EPHA8: variants seen among roughly 807,000 people sequenced by gnomAD.
EPHA8 encodes ephrin type-A receptor 8.
In EPHA8, 58 loss-of-function variants were observed where a neutral mutation model predicts 103.6. The observed-to-expected ratio is 0.56, with a 90% CI of 0.45 to 0.70. The LOEUF is 0.70. Among genes scored for constraint, EPHA8 ranks in the 30% least tolerant of loss-of-function variants. EPHA8 has a pLI of 0.00. For missense variants in EPHA8, 1,304 were observed against 1,395.2 expected (o/e 0.93, Z 1.04); for synonymous variants, 559 against 572.5 (o/e 0.98, Z 0.34).
At chr1:22,578,429 T>C (rs1640851579) in intron 3 of EPHA8, among the ~76,000 whole-genome samples, 1 of 126,378 alleles carries the variant, frequency 7.9e-6, no homozygotes, top group Admixed American at 8.1e-5. Flanking sequence ...TGTGTACGTA[T>C]GTGTACGTGT....
At chr1:22,596,323 G>C in intron 9 of EPHA8, 150 bp downstream of exon 9, 2 of 752,302 alleles carry the variant, frequency 2.7e-6, no homozygotes, top group Non-Finnish European at 4.4e-6. Flanking sequence ...ACAGAGACCT[G>C]GTGCCCCAGA....
rs544912245 is a variant in EPHA8, at chr1:22,576,300, C to A, written c.243C>A (p.Asn81Lys). 7 of 1,613,942 alleles carry A rather than the reference C, an allele frequency of 4.3e-6. No homozygotes were observed. Among genetic ancestry groups the A allele is most frequent in the Non-Finnish European group, 5.9e-6 (7 of 1,180,034 alleles). Reference protein sequence around the residue: ...QVCNVMSPNQNNWLRTSWVPR... With the variant: ...QVCNVMSPNQKNWLRTSWVPR... ...GCAACGTCATGAGCCCCAACCAGAA[C>A]AACTGGCTGCGCACGAGCTGGGTCC... is the stretch of plus-strand genomic sequence containing the variant. The change falls in exon 3 of 17, where the codon AAC (asparagine) becomes AAA (lysine). Residue 81 changes from asparagine (N) to lysine (K), a missense_variant. By Grantham distance (94) the Asn-to-Lys change is moderately conservative. Transcript: ENST00000166244. This position sits in a 1 kb window ranked among gnomAD's most constrained non-coding sequence, Gnocchi z 4.8.
In EPHA8 at chr1:22,601,953, C is replaced by T. The variant is rs538164172; in HGVS notation, c.*212C>T. On this transcript the variant is annotated 3_prime_UTR_variant, in exon 17 of 17. Transcript: ENST00000166244. ...TTTGGTGGCCACCCTGGTGAGGACA[C>T]CTGTCCCCCAGGGCAGGCACCTTCT... 8 of 594,628 alleles carry T rather than the reference C, an allele frequency of 1.3e-5. No homozygotes were observed. The highest frequency in any genetic ancestry group is 4.4e-4 in the Middle Eastern group (1 of 2,274). 36.8% of individuals were successfully genotyped at this position (594,628 alleles called of 1,614,324 possible).
intron 5 of EPHA8, among the ~76,000 whole-genome samples, chr1:22,590,700 T>C (rs1641348752): frequency 6.6e-6 from 1 of 152,162 alleles, no homozygotes; most frequent in Admixed American, 6.5e-5. Flanking sequence ...CTCTTTCCTG[T>C]GTGCCCAGAT....
intron 9 of EPHA8, 56 bp downstream of exon 9, chr1:22,596,229 T>C (rs71638849): frequency 0.1 from 159,946 of 1,558,278 alleles, 8,906 homozygotes; most frequent in African/African-American, 0.2. Flanking sequence ...GGGGACCCAG[T>C]GCTGGACTGG....
intron 2 of EPHA8, among the ~76,000 whole-genome samples, chr1:22,574,988 T>C (rs1305429221): frequency 2.0e-5 from 3 of 152,222 alleles, no homozygotes; most frequent in Non-Finnish European, 4.4e-5. Context: ...TCTCGCTCTG[T>C]TGCTCAGGCT....
intron 7 of EPHA8, 31 bp from the exon 8 acceptor site, chr1:22,595,199 C>T (rs764151823): frequency 6.3e-7 from 1 of 1,582,650 alleles, no homozygotes; most frequent in Middle Eastern, 1.7e-4. Flanking sequence ...GGCTGAGAGC[C>T]TGGTCCCCCA....
In EPHA8 at chr1:22,600,709, C is replaced by G; in HGVS notation, c.2437C>G (p.Arg813Gly). 2.5e-6 allele frequency: 4 copies of G among 1,613,648 alleles called. No homozygotes were observed. The highest frequency in any genetic ancestry group is 3.4e-6 in the Non-Finnish European group (4 of 1,179,848). ...RWTAPEAIAF[R>G]TFSSASDVWS... The stretch of plus-strand genomic sequence containing the variant: ...GACGGCCCCAGAGGCCATCGCCTTC[C>G]GCACCTTCTCCTCGGCCAGCGACGT... Residue 813 changes from arginine (R) to glycine (G), a missense_variant, in exon 14 of 17, where the codon CGC (arginine) becomes GGC (glycine). By Grantham distance (125) the Arg-to-Gly change is moderately radical. Transcript: ENST00000166244.
intron 3 of EPHA8, among the ~76,000 whole-genome samples, chr1:22,582,272 G>T (rs1055753154): frequency 9.2e-5 from 14 of 152,142 alleles, no homozygotes; most frequent in African/African-American, 2.9e-4. Flanking sequence ...GTGGAGTCAG[G>T]GGGTCTCAGC....
At chr1:22,585,055 A>ATGTGTGTGTGTGTGTG (rs1553146991) in intron 3 of EPHA8, among the ~76,000 whole-genome samples, 1 of 143,310 alleles carries the variant, frequency 7.0e-6, no homozygotes, top group East Asian at 2.0e-4. Context: ...GTGTGTGCGC[A>ATGTGTGTGTGTGTGTG]CGCGTGTGTC....
In EPHA8 at chr1:22,589,114, ACTC is replaced by A. The variant is rs774527079; in HGVS notation, c.1226_1228del (p.Ser409del). 2.5e-6 allele frequency: 4 copies of A among 1,613,316 alleles called. No individual in the cohort carries two copies. In the South Asian group the frequency reaches 3.3e-5, roughly 13 times the overall value. On this transcript the variant is annotated inframe_deletion, in exon 5 of 17. Coordinates refer to ENST00000166244, the MANE Select transcript of EPHA8 (RefSeq NM_020526.5). The surrounding 1 kb of genome is among the most constrained non-coding windows in gnomAD (Gnocchi z 4.3). ...GCCAACCTGCTGGCCCACATGAACT[ACTC>A]CTTCTGGATCGAGGCCGTCAATGGC...
intron 16 of EPHA8, 46 bp downstream of exon 16, chr1:22,601,519 G>C (rs751915867): frequency 3.4e-5 from 55 of 1,605,270 alleles, no homozygotes; most frequent in Middle Eastern, 1.7e-4. Flanking sequence ...GGGGGCAGGG[G>C]GGGGGACCCC....
Position 22,602,050 on chromosome 1 carries a change from G to T in EPHA8, c.*309G>T. The T allele has an allele frequency of 2.0e-6, 1 of 499,836 alleles. No homozygotes were observed. 31.0% of individuals were successfully genotyped at this position (499,836 alleles called of 1,614,324 possible). A position where few individuals can be genotyped will look rare whatever the true frequency, so the allele number is the denominator to read the frequency against. ...ATCACTCGCCTGCCTCTGTGTGCGT[G>T]CATGTGTGTGTGTGGTGGGGGGTGT... On this transcript the variant is annotated 3_prime_UTR_variant, in exon 17 of 17. Coordinates refer to ENST00000166244, the MANE Select transcript of EPHA8 (RefSeq NM_020526.5).
At chr1:22,585,050 T>TGTGTGCGC (rs71020436) in intron 3 of EPHA8, among the ~76,000 whole-genome samples, 5 of 93,494 alleles carry the variant, frequency 5.3e-5, no homozygotes, top group African/African-American at 2.4e-4. Context: ...TGTGTGTGTG[T>TGTGTGCGC]GCGCACGCGT....
At chr1:22,591,818 C>T (rs1423289300) in intron 5 of EPHA8, among the ~76,000 whole-genome samples, 1 of 152,216 alleles carries the variant, frequency 6.6e-6, no homozygotes, top group Admixed American at 6.5e-5. Context: ...ATGCCTGGCT[C>T]CTCTGCCCTG....
chr1:22,597,909 T>C lies in EPHA8; in HGVS notation c.2116+48T>C. 1 of 1,573,622 alleles carries C rather than the reference T, an allele frequency of 6.4e-7. No individual in the cohort carries two copies. Among genetic ancestry groups the C allele is most frequent in the Non-Finnish European group, 8.7e-7 (1 of 1,155,646 alleles). On this transcript the variant is annotated intron_variant, in intron 11 of 16. Coordinates refer to ENST00000166244, the MANE Select transcript of EPHA8 (RefSeq NM_020526.5). The surrounding 1 kb of genome is among the most constrained non-coding windows in gnomAD (Gnocchi z 4.6). ...CTCCCCCTGCAGTGCCCCTCCTGCC[T>C]GGAGAGGCCTCTGGGTCCATCCCCT...
intron 3 of EPHA8, among the ~76,000 whole-genome samples, chr1:22,583,363 T>C (rs1433301714): frequency 6.6e-6 from 1 of 152,220 alleles, no homozygotes; most frequent in East Asian, 1.9e-4. Flanking sequence ...ATTATAGCCA[T>C]ATGGGTATTA....
In EPHA8 at chr1:22,600,774, T is replaced by C; in HGVS notation, c.2502T>C (p.Tyr834=). The stretch of plus-strand genomic sequence containing the variant: ...TGGTCATGTGGGAGGTGCTGGCCTA[T>C]GGGGAGCGGCCCTACTGGAACATGA... The part of the protein sequence containing the change: ...FGVVMWEVLA[Y]GERPYWNMTN... The change falls in exon 14 of 17, where the codon TAT becomes TAC. Residue 834 remains tyrosine, a synonymous_variant. Transcript: ENST00000166244. 6.2e-7 allele frequency: 1 copy of C among 1,611,810 alleles called. No individual in the cohort carries two copies. The highest frequency in any genetic ancestry group is 8.5e-7 in the Non-Finnish European group (1 of 1,178,916).
At chr1:22,590,261 C>A (rs547484496) in intron 5 of EPHA8, among the ~76,000 whole-genome samples, 1 of 152,162 alleles carries the variant, frequency 6.6e-6, no homozygotes, top group Non-Finnish European at 1.5e-5. Context: ...GCAGGCTGGT[C>A]CCAAGTGGAG....
Sources: gnomAD v4.1 joint callset for allele counts (sites outside exome capture counted in the v4.1 genomes callset) on GRCh38, gnomAD v4.1.1 for gene constraint, Gnocchi (gnomAD v3.1) non-coding constraint, MANE v1.5 for transcripts, NCBI Gene and HGNC (gene_info 2026-07-23, HGNC 2026-07-21) for gene names.